Variants in ANKRD12 observed in about 807,000 individuals in gnomAD.
ANKRD12 encodes the protein ankyrin repeat domain 12.
ANKRD12 carries 85 observed loss-of-function variants against 183.4 expected under a neutral mutation model. The observed-to-expected ratio is 0.46, with a 90% CI of 0.39 to 0.56. ANKRD12 has a LOEUF of 0.56. Among genes scored for constraint, ANKRD12 ranks in the 20% least tolerant of loss-of-function variants. The pLI is 0.00. For synonymous variants in ANKRD12, 914 were observed against 800.2 expected, an observed-to-expected ratio of 1.14 and a Z score of -2.40; for missense variants, 2,405 against 2,357.1, an observed-to-expected ratio of 1.02 and a Z score of -0.42.
Position 9,256,637 on chromosome 18 carries a change from G to GA in ANKRD12, c.3376dup (p.Thr1126AsnfsTer7). 6.2e-7 allele frequency: 1 copy of GA among 1,606,076 alleles called. No homozygotes were observed. The highest frequency in any genetic ancestry group is 8.5e-7 in the Non-Finnish European group (1 of 1,178,134). The stretch of plus-strand genomic sequence containing the variant: ...TTTAGAACTTAAAATAAAAGATAAA[G>GA]AAAAAACAAAGCATACACCAACTGA... On this transcript the variant is annotated frameshift_variant, in exon 9 of 13. Transcript: ENST00000262126. LOFTEE classifies it high-confidence loss of function.
chr18:9,226,035 A>G (rs576812878), intron 8 of ANKRD12, among the ~76,000 whole-genome samples: 82 of 152,310 alleles, frequency 5.4e-4, no homozygotes, highest in Non-Finnish European at 9.4e-4. Flanking sequence ...TGCAATATTC[A>G]TGGTTGTGAT....
chr18:9,153,676 G>T (rs2029942511), intron 1 of ANKRD12, among the ~76,000 whole-genome samples: 1 of 151,712 alleles, frequency 6.6e-6, no homozygotes, highest in South Asian at 2.1e-4. Context: ...AAAATTATTG[G>T]TCATTTTTTT....
At chr18:9,150,029 T>C (rs1242144380) in intron 1 of ANKRD12, among the ~76,000 whole-genome samples, 2 of 152,048 alleles carry the variant, frequency 1.3e-5, no homozygotes, top group African/African-American at 4.8e-5. Context: ...CCTCCTGACC[T>C]CAGGTGATCT....
chr18:9,269,994 C>T (rs977558339), intron 10 of ANKRD12, among the ~76,000 whole-genome samples: 1 of 152,094 alleles, frequency 6.6e-6, no homozygotes, highest in Non-Finnish European at 1.5e-5. Flanking sequence ...TTTGTGCAGC[C>T]AACAGACACA....
chr18:9,146,359 G>C (rs1411507843), intron 1 of ANKRD12, among the ~76,000 whole-genome samples: 6 of 152,030 alleles, frequency 3.9e-5, no homozygotes. Context: ...TTTGAGCCCA[G>C]CCTGGGCCAA....
At position 9,211,478 on chromosome 18, in the gene ANKRD12, G is replaced by C. The variant is rs56105700; in HGVS notation, c.452-106G>C. 1.1e-3 allele frequency: 1,034 copies of C among 984,594 alleles called. 2 individuals are homozygous for C. The highest frequency in any genetic ancestry group is 5.2e-3 in the Middle Eastern group (24 of 4,638). The allele number at this position is 984,594 out of a possible 1,614,324, so 61.0% of individuals were successfully genotyped here. ...AGGTTTAGGTTGTTAGGGTGAGAAG[G>C]CATTCCTTGTGTTTCAGGAGATTAG... On this transcript the variant is annotated intron_variant, in intron 5 of 12. Coordinates refer to ENST00000262126, the MANE Select transcript of ANKRD12 (RefSeq NM_015208.5).
intron 10 of ANKRD12, among the ~76,000 whole-genome samples, chr18:9,271,793 T>C (rs900773848): frequency 1.3e-5 from 2 of 152,250 alleles, no homozygotes; most frequent in Admixed American, 1.3e-4. Context: ...CTGTGGTTTG[T>C]AGACATATTC....
At chr18:9,144,907 T>C (rs534936886) in intron 1 of ANKRD12, among the ~76,000 whole-genome samples, 1 of 152,248 alleles carries the variant, frequency 6.6e-6, no homozygotes, top group East Asian at 1.9e-4. Context: ...CATTATGTAA[T>C]AAATATGTAT....
chr18:9,242,786 G>A (rs2037738091), intron 8 of ANKRD12, among the ~76,000 whole-genome samples: 1 of 152,120 alleles, frequency 6.6e-6, no homozygotes, highest in African/African-American at 2.4e-5. Flanking sequence ...TTAGACTTAA[G>A]ATATTTTCAG....
chr18:9,194,509 A>G (rs1465870851), intron 2 of ANKRD12, among the ~76,000 whole-genome samples: 3 of 152,032 alleles, frequency 2.0e-5, no homozygotes, highest in Admixed American at 6.6e-5. Context: ...GGCACCTGCC[A>G]CCACACCTGG....
intron 8 of ANKRD12, chr18:9,239,698 A>G (rs2037547971): frequency 6.9e-6 from 2 of 291,272 alleles, no homozygotes; most frequent in African/African-American, 4.4e-5. Context: ...ATACTAATAT[A>G]TAATCATGTA....
intron 1 of ANKRD12, among the ~76,000 whole-genome samples, chr18:9,169,575 C>T (rs1358928449): frequency 1.3e-5 from 2 of 152,122 alleles, no homozygotes; most frequent in East Asian, 1.9e-4. Context: ...GTAGATCTTC[C>T]TCCATCCCTT....
chr18:9,164,515 T>C (rs1425909970), intron 1 of ANKRD12, among the ~76,000 whole-genome samples: 1 of 152,188 alleles, frequency 6.6e-6, no homozygotes, highest in Non-Finnish European at 1.5e-5. Context: ...GGTATCTTCC[T>C]AGCTTTTTGA....
chr18:9,197,932 G>A (rs750834000), intron 3 of ANKRD12, among the ~76,000 whole-genome samples: 3 of 152,126 alleles, frequency 2.0e-5, no homozygotes, highest in Non-Finnish European at 2.9e-5. Context: ...AATAGATGAC[G>A]TCTTTGGTTT....
At chr18:9,263,347 T>C (rs568213732) in intron 9 of ANKRD12, among the ~76,000 whole-genome samples, 5 of 152,374 alleles carry the variant, frequency 3.3e-5, no homozygotes, top group African/African-American at 1.2e-4. Flanking sequence ...GAATTAAATG[T>C]AACACTCAGG....
At chr18:9,175,690 G>A (rs1425891747) in intron 1 of ANKRD12, among the ~76,000 whole-genome samples, 1 of 151,858 alleles carries the variant, frequency 6.6e-6, no homozygotes, top group Admixed American at 6.6e-5. Flanking sequence ...ACCATGCCCA[G>A]CTAATTTTTT....
chr18:9,201,770 G>A (rs2035182541), intron 3 of ANKRD12, among the ~76,000 whole-genome samples: 1 of 150,466 alleles, frequency 6.6e-6, no homozygotes, highest in East Asian at 1.9e-4. Flanking sequence ...TTTTTTCTTT[G>A]AATAATTGTT....
intron 1 of ANKRD12, among the ~76,000 whole-genome samples, chr18:9,155,685 A>G (rs1037772693): frequency 1.3e-4 from 20 of 151,836 alleles, no homozygotes; most frequent in Non-Finnish European, 2.9e-5. Context: ...TAGTTTCAAA[A>G]CTGTGAATGA....
At chr18:9,152,249 A>G (rs1239341125) in intron 1 of ANKRD12, among the ~76,000 whole-genome samples, 2 of 152,330 alleles carry the variant, frequency 1.3e-5, no homozygotes, top group African/African-American at 2.4e-5. Flanking sequence ...GAAAAAGAAC[A>G]CAGTCATAAC....
Sources: allele counts gnomAD v4.1 joint callset (sites outside exome capture counted in the v4.1 genomes callset), GRCh38; gene constraint gnomAD v4.1.1; transcripts MANE v1.5; gene names NCBI Gene and HGNC (gene_info 2026-07-23, HGNC 2026-07-21).